NDUFB5: variants seen among roughly 807,000 people sequenced by gnomAD.
The protein encoded by NDUFB5 is NADH:ubiquinone oxidoreductase subunit B5.
A neutral mutation model predicts 19.4 loss-of-function variants in NDUFB5; 19 were observed. The observed-to-expected ratio is 0.98, with a 90% CI of 0.68 to 1.43. The LOEUF (loss-of-function observed/expected upper bound fraction) is 1.43. NDUFB5 is among the 40% of genes most tolerant of loss of function. The probability of loss-of-function intolerance (pLI) is 0.00; values close to 1 mark genes in which losing one functional copy is unlikely to be tolerated. For missense variants in NDUFB5, 233 were observed against 236.5 expected, an observed-to-expected ratio of 0.99 and a Z score of 0.10; for synonymous variants, 80 against 82.6, an observed-to-expected ratio of 0.97 and a Z score of 0.17.
intron 2 of NDUFB5, 48 bp from the exon 3 acceptor site, chr3:179,615,935 G>A (rs1329353989): frequency 1.5e-6 from 2 of 1,343,250 alleles, no homozygotes; most frequent in East Asian, 2.3e-5. Flanking sequence ...TTTGTGTGTG[G>A]GGAGAGTTAC....
At position 179,604,861 on chromosome 3, in the gene NDUFB5, G is replaced by A; in HGVS notation, c.46G>A (p.Ala16Thr). The A allele has an allele frequency of 2.5e-6, 4 of 1,602,656 alleles. No homozygotes were observed. The highest frequency in any genetic ancestry group is 1.8e-5 in the Admixed American group (1 of 55,102). ...GCGGCGGGTTTCGGTTACTGCGGTG[G>A]CAGCTCTGTCTGGCCGGCCCCTTGG... ...LLRRVSVTAV[A>T]ALSGRPLGTR... is the part of the protein sequence containing the mutation. Residue 16 changes from alanine to threonine, a missense_variant, in exon 1 of 6, where the codon GCA (alanine) becomes ACA (threonine). Transcript: ENST00000259037.
At chr3:179,611,356 T>C (rs1172065400) in intron 1 of NDUFB5, among the ~76,000 whole-genome samples, 1 of 152,032 alleles carries the variant, frequency 6.6e-6, no homozygotes, top group Non-Finnish European at 1.5e-5. Flanking sequence ...GTAATTGAGA[T>C]GGTGGTGCCC....
intron 5 of NDUFB5, among the ~76,000 whole-genome samples, 200 bp downstream of exon 5, chr3:179,618,721 C>T (rs768285124): frequency 6.6e-6 from 1 of 151,970 alleles, no homozygotes; most frequent in Non-Finnish European, 1.5e-5. Context: ...CGTGGTGGTA[C>T]GTGCCTGTAA....
chr3:179,613,022 C>T (rs1236258286), intron 1 of NDUFB5, among the ~76,000 whole-genome samples: 4 of 152,190 alleles, frequency 2.6e-5, no homozygotes, highest in Admixed American at 6.5e-5. Context: ...GAGTTCCAGG[C>T]GGAACTTCCA....
intron 1 of NDUFB5, among the ~76,000 whole-genome samples, chr3:179,610,950 G>A (rs1196852476): frequency 6.6e-6 from 1 of 152,190 alleles, no homozygotes; most frequent in Non-Finnish European, 1.5e-5. Flanking sequence ...CTGAAGTATA[G>A]GGATAGTTTT....
chr3:179,621,512 T>TTG (rs1719535499), intron 5 of NDUFB5, among the ~76,000 whole-genome samples: 1 of 148,438 alleles, frequency 6.7e-6, no homozygotes, highest in Non-Finnish European at 1.5e-5. Context: ...TTTTTTTTTT[T>TTG]GAGACAGTTT....
At chr3:179,612,628 C>T (rs1323874741) in intron 1 of NDUFB5, among the ~76,000 whole-genome samples, 2 of 151,680 alleles carry the variant, frequency 1.3e-5, no homozygotes, top group Non-Finnish European at 2.9e-5. Flanking sequence ...AGGCGCCTGC[C>T]ACCACACCCG....
intron 5 of NDUFB5, among the ~76,000 whole-genome samples, chr3:179,622,317 G>T (rs1023453500): frequency 4.1e-5 from 6 of 147,922 alleles, no homozygotes; most frequent in Admixed American, 6.8e-5. Flanking sequence ...TTTTGTTTTT[G>T]TTTTTTTTTT....
intron 5 of NDUFB5, among the ~76,000 whole-genome samples, chr3:179,621,496 C>CTTTTT (rs35414472): frequency 7.7e-6 from 1 of 130,590 alleles, no homozygotes; most frequent in African/African-American, 2.8e-5. Context: ...TTTTCTTTTT[C>CTTTTT]TTTTTTTTTT....
intron 5 of NDUFB5, among the ~76,000 whole-genome samples, chr3:179,619,891 C>G (rs1719488543): frequency 6.6e-6 from 1 of 152,180 alleles, no homozygotes; most frequent in South Asian, 2.1e-4. Context: ...GATCACCATT[C>G]TAACTGGTGT....
intron 5 of NDUFB5, 121 bp downstream of exon 5, chr3:179,618,642 G>C: frequency 1.5e-6 from 1 of 671,058 alleles, no homozygotes; most frequent in South Asian, 1.7e-5. Context: ...AAAGGATAAA[G>C]ATACGTCCAG....
chr3:179,615,022 C>A lies in NDUFB5; in HGVS notation c.176C>A (p.Pro59His). Reference sequence around the variant, plus strand: ...GGGAAAAGACTATTTGTCATCAGACCTTCTAGATTCTATGACAGGCGTTTT... The same window carrying A: ...GGGAAAAGACTATTTGTCATCAGACATTCTAGATTCTATGACAGGCGTTTT... Reference protein sequence around the residue: ...DHGKRLFVIRPSRFYDRRFLK... With the variant: ...DHGKRLFVIRHSRFYDRRFLK... The change falls in exon 2 of 6, where the codon CCT becomes CAT. Residue 59 changes from proline to histidine, a missense_variant. Transcript: ENST00000259037. The A allele has an allele frequency of 6.2e-7, 1 of 1,608,372 alleles. No homozygotes were observed. Among genetic ancestry groups the A allele is most frequent in the South Asian group, 1.1e-5 (1 of 90,104 alleles).
chr3:179,622,787 G>C (rs564745867), intron 5 of NDUFB5, among the ~76,000 whole-genome samples: 5 of 152,266 alleles, frequency 3.3e-5, no homozygotes, highest in African/African-American at 1.2e-4. Flanking sequence ...TTCATAAAGT[G>C]ACTTATTTAA....
Position 179,624,674 on chromosome 3 carries a change from A to AT in NDUFB5, c.*635dup, listed in dbSNP as rs888561129. 7 of 151,756 alleles carry AT rather than the reference A, an allele frequency of 4.6e-5. No homozygotes were observed. Among genetic ancestry groups the AT allele is most frequent in the African/African-American group, 1.7e-4 (7 of 41,174 alleles). 9.4% of individuals were successfully genotyped at this position (151,756 alleles called of 1,614,324 possible). A position where few individuals can be genotyped will look rare whatever the true frequency, so the allele number is the denominator to read the frequency against. ...TTTGGGGAAGTAGTTGCACTAGGTA[A>AT]TGTGATTCCTGCAGAGATTATAAAA... is the stretch of plus-strand genomic sequence containing the variant. On this transcript the variant is annotated 3_prime_UTR_variant, in exon 6 of 6. Coordinates refer to ENST00000259037, the MANE Select transcript of NDUFB5 (RefSeq NM_002492.4).
chr3:179,610,416 T>TTTG (rs796104802), intron 1 of NDUFB5, among the ~76,000 whole-genome samples: 13 of 152,060 alleles, frequency 8.5e-5, no homozygotes, highest in Admixed American at 2.0e-4. Context: ...GATTGTTTGG[T>TTTG]TTGTTGTTGT....
In NDUFB5 at chr3:179,617,050, T is replaced by C; in HGVS notation, c.342+6T>C. ...AACACTGGGAATATTATAAGGTTTG[T>C]ATAGGACATTGACAATTACATACTG... On this transcript the variant is annotated splice_donor_region_variant and intron_variant, in intron 4 of 5. Coordinates refer to ENST00000259037, the MANE Select transcript of NDUFB5 (RefSeq NM_002492.4). 6.3e-7 allele frequency: 1 copy of C among 1,597,762 alleles called. No homozygotes were observed. Among genetic ancestry groups the C allele is most frequent in the Admixed American group, 1.7e-5 (1 of 59,270 alleles).
At position 179,615,986 on chromosome 3, in the gene NDUFB5, T is replaced by G. The variant is rs777997198; in HGVS notation, c.217T>G (p.Phe73Val). ...YDRRFLKLLR[F>V]YIALTGIPVA... is the part of the protein sequence containing the mutation. ...AACACTTTTTTTTTTATCTTAGAGA[T>G]TCTACATTGCATTGACTGGGATTCC... Residue 73 changes from phenylalanine to valine, a missense_variant, in exon 3 of 6, where the codon TTC becomes GTC. Phe to Val is a conservative substitution (Grantham distance 50, BLOSUM62 -1). Coordinates refer to ENST00000259037, the MANE Select transcript of NDUFB5 (RefSeq NM_002492.4). The G allele has an allele frequency of 1.2e-6, 2 of 1,611,438 alleles. No individual in the cohort carries two copies. Among genetic ancestry groups the G allele is most frequent in the East Asian group, 2.2e-5 (1 of 44,834 alleles).
At chr3:179,605,449 T>TTTTTG (rs749042417) in intron 1 of NDUFB5, among the ~76,000 whole-genome samples, 97 of 151,312 alleles carry the variant, frequency 6.4e-4, no homozygotes, top group Non-Finnish European at 9.7e-4. Context: ...GGAAGAGAGG[T>TTTTTG]TTTTGTTTTG....
intron 1 of NDUFB5, among the ~76,000 whole-genome samples, chr3:179,610,936 T>A (rs974203532): frequency 6.6e-6 from 1 of 152,226 alleles, no homozygotes; most frequent in Admixed American, 6.5e-5. Context: ...ATGGGGCATT[T>A]TAACTGAAGT....
Sources: allele counts gnomAD v4.1 joint callset (sites outside exome capture counted in the v4.1 genomes callset), GRCh38; gene constraint gnomAD v4.1.1; transcripts MANE v1.5; gene names NCBI Gene and HGNC (gene_info 2026-07-23, HGNC 2026-07-21).